TLK2: variants seen among roughly 807,000 people sequenced by gnomAD.
TLK2 encodes the protein tousled like kinase 2.
A neutral mutation model predicts 117.3 loss-of-function variants in TLK2; 6 were observed. The ratio of observed to expected loss-of-function variants is 0.05; its 90% CI spans 0.03 to 0.10. TLK2 has a LOEUF of 0.10. Ranked by LOEUF, TLK2 falls within the 10% of genes least tolerant of loss-of-function variation. The probability of loss-of-function intolerance (pLI) is 1.00; values close to 1 mark genes in which losing one functional copy is unlikely to be tolerated. For missense variants in TLK2, 299 were observed against 901.2 expected (o/e 0.33, Z 8.56); for synonymous variants, 257 against 316.7 (o/e 0.81, Z 2.00).
intron 17 of TLK2, 27 bp downstream of exon 17, chr17:62,596,701 C>T (rs2082502020): frequency 1.9e-6 from 3 of 1,587,488 alleles, no homozygotes; most frequent in African/African-American, 1.3e-5. Flanking sequence ...TTTACCTTAA[C>T]AGTTATATTA....
At chr17:62,475,444 G>A (rs1282478160), upstream of TLK2, among the ~76,000 whole-genome samples, 1 of 152,148 alleles carries the variant, frequency 6.6e-6, no homozygotes, top group Non-Finnish European at 1.5e-5. Context: ...CCAGGTTCAA[G>A]CGATTCTCCT....
chr17:62,508,799 C>A (rs1328682180), intron 2 of TLK2, among the ~76,000 whole-genome samples: 1 of 152,136 alleles, frequency 6.6e-6, no homozygotes, highest in Non-Finnish European at 1.5e-5. Flanking sequence ...AAAACCCTGT[C>A]TTTACTAAAA....
In TLK2 at chr17:62,587,215, G is replaced by A. The variant is rs896965382; in HGVS notation, c.1460+989G>A. 3.9e-5 allele frequency among the ~76,000 whole-genome samples: 6 copies of A among 152,162 alleles called. No homozygotes were observed. The South Asian group carries it at 6.2e-4, about 16-fold the overall frequency. The stretch of plus-strand genomic sequence containing the variant: ...CCTATATCTCCCCAAGCTTCTGAAC[G>A]TTGGAGTTCATGGCTCATTTGCTTT... On this transcript the variant is annotated intron_variant, in intron 16 of 21. Coordinates refer to ENST00000346027, the MANE Select transcript of TLK2 (RefSeq NM_006852.6).
At chr17:62,542,812 A>G (rs943665907) in intron 7 of TLK2, among the ~76,000 whole-genome samples, 3 of 152,226 alleles carry the variant, frequency 2.0e-5, no homozygotes, top group Admixed American at 1.3e-4. Context: ...GATGTTCTTC[A>G]AAACTTGATT....
rs374084027 is a variant in TLK2, at chr17:62,565,178, C to T, written c.968+41C>T. On this transcript the variant is annotated intron_variant, in intron 11 of 21. Transcript: ENST00000346027. ...TGATTAAATGGAGAATTGAAAAGTTCGTTTGCATTTTTTAGGTTTTCTGTA... is the reference window on the plus strand; with the variant it reads ...TGATTAAATGGAGAATTGAAAAGTTTGTTTGCATTTTTTAGGTTTTCTGTA... 177 of 1,574,636 alleles carry T rather than the reference C, an allele frequency of 1.1e-4. 3 individuals are homozygous for T. In the South Asian group the frequency reaches 1.3e-3, roughly 12 times the overall value.
At chr17:62,498,839 C>G (rs1373529348) in intron 2 of TLK2, among the ~76,000 whole-genome samples, 5 of 152,070 alleles carry the variant, frequency 3.3e-5, no homozygotes, top group Non-Finnish European at 7.4e-5. Context: ...AAGGTCTCAG[C>G]TCTTGATCAG....
At chr17:62,580,483 G>T (rs1270594391) in intron 15 of TLK2, among the ~76,000 whole-genome samples, 3 of 152,124 alleles carry the variant, frequency 2.0e-5, no homozygotes, top group African/African-American at 7.2e-5. Context: ...TGTACTTCCT[G>T]CCTCATACAT....
intron 7 of TLK2, among the ~76,000 whole-genome samples, chr17:62,537,992 A>AT (rs1298409712): frequency 6.9e-6 from 1 of 143,896 alleles, no homozygotes; most frequent in African/African-American, 2.6e-5. Flanking sequence ...ACATTTCGAG[A>AT]TTGTTAATGT....
chr17:62,484,889 T>C (rs1416493204), intron 2 of TLK2, among the ~76,000 whole-genome samples: 1 of 151,956 alleles, frequency 6.6e-6, no homozygotes, highest in East Asian at 1.9e-4. Flanking sequence ...ACCCCATCTC[T>C]ATTAAAAAAT....
chr17:62,537,855 A>G (rs992490494), intron 7 of TLK2, among the ~76,000 whole-genome samples: 9 of 152,140 alleles, frequency 5.9e-5, no homozygotes, highest in African/African-American at 2.2e-4. Flanking sequence ...GGAAATATAC[A>G]TACTTTAAAA....
At chr17:62,578,719 A>G (rs2080995341) in intron 14 of TLK2, 145 bp downstream of exon 14, 3 of 597,552 alleles carry the variant, frequency 5.0e-6, no homozygotes, top group South Asian at 2.6e-5. Flanking sequence ...ATCTAATACA[A>G]TTTTGTGAAC....
intron 10 of TLK2, among the ~76,000 whole-genome samples, chr17:62,564,224 G>A (rs564416502): frequency 1.8e-3 from 276 of 151,990 alleles, no homozygotes; most frequent in Admixed American, 2.8e-3. Flanking sequence ...CCAACATGGC[G>A]AAACCAGTCT....
In TLK2 at chr17:62,522,184, A is replaced by G. The variant is rs145912126; in HGVS notation, c.154-20A>G. Reference sequence around the variant, plus strand: ...AAAATTTACCAAAATGCTAATTGTGACTTATATGGTATTTGACAGACTCCC... The same window carrying G: ...AAAATTTACCAAAATGCTAATTGTGGCTTATATGGTATTTGACAGACTCCC... On this transcript the variant is annotated intron_variant, in intron 3 of 21. Coordinates refer to ENST00000346027, the MANE Select transcript of TLK2 (RefSeq NM_006852.6). The G allele has an allele frequency of 6.2e-7, 1 of 1,607,004 alleles. No homozygotes were observed. Among genetic ancestry groups the G allele is most frequent in the Non-Finnish European group, 8.5e-7 (1 of 1,178,216 alleles).
intron 2 of TLK2, among the ~76,000 whole-genome samples, chr17:62,483,124 G>C (rs2071887166): frequency 6.6e-6 from 1 of 152,166 alleles, no homozygotes; most frequent in Admixed American, 6.6e-5. Context: ...AATGACCTCT[G>C]ATGTGTCTTT....
chr17:62,485,254 A>T (rs1183023186), intron 2 of TLK2, among the ~76,000 whole-genome samples: 2 of 152,198 alleles, frequency 1.3e-5, no homozygotes, highest in Non-Finnish European at 2.9e-5. Flanking sequence ...CCATAGAAGG[A>T]AGAAAGTCAG....
At chr17:62,599,004 G>T (rs948509571) in intron 17 of TLK2, among the ~76,000 whole-genome samples, 12 of 152,044 alleles carry the variant, frequency 7.9e-5, no homozygotes, top group African/African-American at 2.9e-4. Context: ...GTAGTGCAGT[G>T]GCATGATCTT....
intron 21 of TLK2, chr17:62,612,165 C>A: frequency 2.3e-6 from 1 of 437,448 alleles, no homozygotes; most frequent in Non-Finnish European, 4.0e-6. Context: ...ATGGCTCAGC[C>A]CTTTCTGTCT....
chr17:62,517,820 C>T (rs2075731082), intron 2 of TLK2, among the ~76,000 whole-genome samples: 1 of 152,174 alleles, frequency 6.6e-6, no homozygotes, highest in Non-Finnish European at 1.5e-5. Flanking sequence ...GCCTCAGTCT[C>T]CCGACTAGCT....
intron 12 of TLK2, among the ~76,000 whole-genome samples, chr17:62,573,568 G>A (rs546308849): frequency 2.3e-3 from 343 of 152,282 alleles, no homozygotes; most frequent in Non-Finnish European, 3.9e-3. Context: ...TTTCTTTAGG[G>A]CATTTTGAAT....
Sources: allele counts gnomAD v4.1 joint callset (sites outside exome capture counted in the v4.1 genomes callset), GRCh38; gene constraint gnomAD v4.1.1; transcripts MANE v1.5; gene names NCBI Gene and HGNC (gene_info 2026-07-23, HGNC 2026-07-21).